SGK1: variants seen among roughly 807,000 people sequenced by gnomAD.
SGK1 encodes the protein serine/threonine-protein kinase Sgk1.
In SGK1, 26 loss-of-function variants were observed where a neutral mutation model predicts 64.2. That is an observed-to-expected ratio of 0.40 (90% CI 0.30 to 0.56). The LOEUF (loss-of-function observed/expected upper bound fraction) is 0.56, where lower values mean the gene tolerates loss of function less well. Among genes scored for constraint, SGK1 ranks in the 20% least tolerant of loss-of-function variants. SGK1 has a pLI of 0.38. For synonymous variants in SGK1, 265 were observed against 239.7 expected (o/e 1.11, Z -0.98); for missense variants, 519 against 645.6 (o/e 0.80, Z 2.12).
chr6:134,184,251 A>C (rs1336272066), intron 3 of SGK1, among the ~76,000 whole-genome samples: 1 of 151,828 alleles, frequency 6.6e-6, no homozygotes, highest in Non-Finnish European at 1.5e-5. Flanking sequence ...GTAATATCAG[A>C]ACTTTGGGAG....
intron 1 of SGK1, chr6:134,297,705 G>A: frequency 4.5e-6 from 2 of 448,470 alleles, no homozygotes; most frequent in South Asian, 4.0e-5. Flanking sequence ...GTTTCACCCT[G>A]TTGGTCAGGC....
At chr6:134,250,184 C>G (rs941491335) in intron 2 of SGK1, among the ~76,000 whole-genome samples, 18 of 152,172 alleles carry the variant, frequency 1.2e-4, no homozygotes, top group Non-Finnish European at 1.8e-4. Context: ...ATTTACAACT[C>G]TCAAGGCCAA....
intron 2 of SGK1, among the ~76,000 whole-genome samples, chr6:134,214,552 C>CCT: frequency 6.8e-6 from 1 of 148,136 alleles, no homozygotes; most frequent in East Asian, 2.0e-4. Context: ...CGTACTCTAG[C>CCT]CTGGGTGACA....
intron 3 of SGK1, among the ~76,000 whole-genome samples, chr6:134,184,204 A>T (rs1190408551): frequency 1.3e-5 from 2 of 151,984 alleles, no homozygotes; most frequent in Non-Finnish European, 2.9e-5. Flanking sequence ...TCTCCCAGTA[A>T]ATATCACTTA....
chr6:134,292,284 G>C (rs906956588), intron 1 of SGK1, among the ~76,000 whole-genome samples: 4 of 152,102 alleles, frequency 2.6e-5, no homozygotes, highest in Admixed American at 6.5e-5. Context: ...TGCACAAATG[G>C]AATTTGTTTT....
At chr6:134,278,660 A>G (rs1395993689) in intron 1 of SGK1, among the ~76,000 whole-genome samples, 1 of 152,166 alleles carries the variant, frequency 6.6e-6, no homozygotes, top group Non-Finnish European at 1.5e-5. Context: ...TTAAGGTTTA[A>G]TTGTTCCCTG....
intron 10 of SGK1, chr6:134,171,955 G>T (rs1582681458): frequency 6.3e-6 from 4 of 632,398 alleles, no homozygotes; most frequent in South Asian, 4.0e-5. Flanking sequence ...CTTACTTAGG[G>T]ATTTAGAAAG....
In SGK1 at chr6:134,191,414, C is replaced by G. The variant is rs79219218; in HGVS notation, c.361+15942G>C. 7.1e-3 allele frequency among the ~76,000 whole-genome samples: 1,081 copies of G among 152,300 alleles called. 15 individuals carry two copies. The highest frequency in any genetic ancestry group is 0.025 in the African/African-American group (1,038 of 41,558). On this transcript the variant is annotated intron_variant, in intron 3 of 13. Coordinates refer to ENST00000367858, the MANE Select transcript of SGK1 (RefSeq NM_001143676.3). Reference sequence around the variant, plus strand: ...CTTCCCAAACCATCTCTACCACTGTCAACTAGCATCAATCGTTAAAGTTCT... The same window carrying G: ...CTTCCCAAACCATCTCTACCACTGTGAACTAGCATCAATCGTTAAAGTTCT...
rs59102879 is a variant in SGK1, at chr6:134,258,106, A to AT, written c.285+3826dup. ...ATCCCTATAAAAACACAAAATATAG[A>AT]TTTTTTTTTTTTTTGAGACAGGGTC... On this transcript the variant is annotated intron_variant, in intron 2 of 13. Coordinates refer to ENST00000367858, the MANE Select transcript of SGK1 (RefSeq NM_001143676.3). Among the ~76,000 whole-genome samples, 764 of 144,354 alleles carry AT rather than the reference A, an allele frequency of 5.3e-3. 7 individuals are homozygous for AT. The highest frequency in any genetic ancestry group is 0.015 in the African/African-American group (605 of 39,564). 94.7% of individuals were successfully genotyped at this position (144,354 alleles called of 152,430 possible). A position where few individuals can be genotyped will look rare whatever the true frequency, so the allele number is the denominator to read the frequency against.
intron 3 of SGK1, among the ~76,000 whole-genome samples, chr6:134,185,429 A>G (rs1775405523): frequency 6.6e-6 from 1 of 152,220 alleles, no homozygotes; most frequent in Non-Finnish European, 1.5e-5. Flanking sequence ...TGGACAAAGT[A>G]GTTTTAAAGC....
In SGK1 at chr6:134,172,043, C is replaced by A. The variant is rs1276498817; in HGVS notation, c.1071+150G>T. On this transcript the variant is annotated intron_variant, in intron 10 of 13. Coordinates refer to ENST00000367858, the MANE Select transcript of SGK1 (RefSeq NM_001143676.3). ...GAAGGACTTGGGATTTCTCATGCTA[C>A]ATCAAACAGCAAATGTATTTTATTT... is the stretch of plus-strand genomic sequence containing the variant. 7 of 915,594 alleles carry A rather than the reference C, an allele frequency of 7.6e-6. 1 individual carries two copies. In the Middle Eastern group the frequency reaches 8.7e-4, roughly 113 times the overall value. The allele number at this position is 915,594 out of a possible 1,614,324, so 56.7% of individuals were successfully genotyped here.
chr6:134,293,062 A>G (rs1435706497), intron 1 of SGK1, among the ~76,000 whole-genome samples: 1 of 152,220 alleles, frequency 6.6e-6, no homozygotes, highest in Non-Finnish European at 1.5e-5. Context: ...TCTGTGTGCC[A>G]TAAAAGACAC....
At chr6:134,227,943 C>CT (rs869082001) in intron 2 of SGK1, among the ~76,000 whole-genome samples, 1,522 of 69,782 alleles carry the variant, frequency 0.022, 213 homozygotes, top group African/African-American at 0.077. Context: ...GGAATTCATT[C>CT]TTTTTTTTTT....
intron 2 of SGK1, among the ~76,000 whole-genome samples, chr6:134,258,336 C>T (rs1218917326): frequency 6.6e-6 from 1 of 152,056 alleles, no homozygotes; most frequent in African/African-American, 2.4e-5. Flanking sequence ...ATCCACCCCC[C>T]TTGGCTTCCC....
At chr6:134,182,813 A>G (rs997480798) in intron 3 of SGK1, among the ~76,000 whole-genome samples, 4 of 152,268 alleles carry the variant, frequency 2.6e-5, no homozygotes, top group Non-Finnish European at 5.9e-5. Flanking sequence ...CCTCACAGAC[A>G]GTGCTCCTGA....
intron 2 of SGK1, among the ~76,000 whole-genome samples, chr6:134,252,677 T>C (rs1051838615): frequency 3.7e-5 from 5 of 134,276 alleles, no homozygotes; most frequent in South Asian, 2.5e-4. Context: ...TAAATCTACA[T>C]AGAAATAATT....
chr6:134,288,064 T>A lies in SGK1; in HGVS notation c.70-25916A>T, dbSNP rs929390007. On this transcript the variant is annotated intron_variant, in intron 1 of 13. Transcript: ENST00000367858. ...AGAGATCTCTTGGGATGTCTTCAGA[T>A]CATGAGGGCTAAACATGACTCAGAC... 6.6e-5 allele frequency among the ~76,000 whole-genome samples: 10 copies of A among 152,298 alleles called. No homozygotes were observed. In the South Asian group the frequency reaches 1.9e-3, roughly 28 times the overall value.
At position 134,300,635 on chromosome 6, in the gene SGK1, T is replaced by TTG. The variant is rs1310086476; in HGVS notation, c.69+16756_69+16757insCA. Among the ~76,000 whole-genome samples, 17 of 147,022 alleles carry TTG rather than the reference T, an allele frequency of 1.2e-4. 1 individual carries two copies. The East Asian group carries it at 3.2e-3, about 28-fold the overall frequency. On this transcript the variant is annotated intron_variant, in intron 1 of 13. Transcript: ENST00000367858. ...AGGAGTTAAAAATAAATGTTTGGTT[T>TTG]TTTTTTTTTTTTTTGGAGATGGAGT...
At chr6:134,192,213 C>T (rs188672201) in intron 3 of SGK1, among the ~76,000 whole-genome samples, 1 of 152,264 alleles carries the variant, frequency 6.6e-6, no homozygotes, top group East Asian at 1.9e-4. Flanking sequence ...GATCCACCCG[C>T]CTCAGCCTCC....
Sources: allele counts gnomAD v4.1 joint callset (sites outside exome capture counted in the v4.1 genomes callset), GRCh38; gene constraint gnomAD v4.1.1; transcripts MANE v1.5; gene names NCBI Gene and HGNC (gene_info 2026-07-23, HGNC 2026-07-21).